Variants in BCAR3 observed in about 807,000 individuals in gnomAD.
BCAR3 encodes BCAR3 adaptor protein, NSP family member.
In BCAR3, 37 loss-of-function variants were observed where a neutral mutation model predicts 80.1. The observed-to-expected ratio is 0.46, with a 90% confidence interval of 0.36 to 0.61. BCAR3 has a LOEUF of 0.61. Ranked by LOEUF, BCAR3 falls within the 20% of genes least tolerant of loss-of-function variation. The probability of loss-of-function intolerance (pLI) is 0.00; values close to 1 mark genes in which losing one functional copy is unlikely to be tolerated. For synonymous variants in BCAR3, 389 were observed against 418.9 expected (o/e 0.93, Z 0.87); for missense variants, 978 against 1,068.2 (o/e 0.92, Z 1.18).
At chr1:93,589,632 C>A (rs541582189) in intron 4 of BCAR3, among the ~76,000 whole-genome samples, 1 of 152,232 alleles carries the variant, frequency 6.6e-6, no homozygotes, top group Non-Finnish European at 1.5e-5. Flanking sequence ...CCAAGCACCA[C>A]TGCAGGCTCA....
rs1056626619 is a variant in BCAR3 at position 93,812,287 on chromosome 1, C to T, written c.-63+33280G>A. On this transcript the variant is annotated intron_variant, in intron 2 of 13. Coordinates refer to the BCAR3 transcript ENST00000370244. The stretch of plus-strand genomic sequence containing the variant: ...TCCCCTTTCCCCAGGCCCTTCCGTC[C>T]CAGGAAGCCCACCGCTGGGACCTCC... 2.0e-5 allele frequency among the ~76,000 whole-genome samples: 3 copies of T among 152,070 alleles called. No homozygotes were observed. In the East Asian group the frequency reaches 5.8e-4, roughly 29 times the overall value.
At chr1:93,672,753 C>T (rs1571030832) in intron 2 of BCAR3, among the ~76,000 whole-genome samples, 1 of 152,340 alleles carries the variant, frequency 6.6e-6, no homozygotes, top group East Asian at 1.9e-4. Flanking sequence ...CCCCAGGATA[C>T]CCCAAGGAAT....
chr1:93,577,147 GTC>G (rs1367229770), intron 7 of BCAR3, among the ~76,000 whole-genome samples: 1 of 152,206 alleles, frequency 6.6e-6, no homozygotes, highest in East Asian at 1.9e-4. Context: ...GCAAGACACT[GTC>G]TCTAAAAACA....
chr1:93,598,828 T>C (rs10047194), intron 3 of BCAR3: 11,415 of 152,198 alleles, frequency 0.075, 577 homozygotes, highest in Middle Eastern at 0.11. Flanking sequence ...AGAATCAGGG[T>C]TGGACCGTGA....
intron 2 of BCAR3, among the ~76,000 whole-genome samples, chr1:93,749,370 T>C (rs773835732): frequency 3.3e-5 from 5 of 151,824 alleles, no homozygotes; most frequent in Non-Finnish European, 5.9e-5. Context: ...GGGCGGATCA[T>C]GAGGTCACGA....
chr1:93,614,062 G>C, intron 3 of BCAR3: 2 of 1,441,200 alleles, frequency 1.4e-6, no homozygotes, highest in East Asian at 2.5e-5. Flanking sequence ...GTCGGCAGCC[G>C]GGGGAGTGAG....
At chr1:93,797,288 A>C (rs1015193266) in intron 2 of BCAR3, among the ~76,000 whole-genome samples, 3 of 152,200 alleles carry the variant, frequency 2.0e-5, no homozygotes, top group Non-Finnish European at 4.4e-5. Context: ...TTTCCTTCTG[A>C]AAGAGTATGC....
chr1:93,790,629 T>A (rs867056854), intron 2 of BCAR3, among the ~76,000 whole-genome samples: 12,808 of 132,108 alleles, frequency 0.097, 1,239 homozygotes, highest in African/African-American at 0.23. Context: ...TTTTTTTTTG[T>A]ATTCATTTTT....
intron 3 of BCAR3, among the ~76,000 whole-genome samples, chr1:93,595,259 A>C (rs1177604539): frequency 6.6e-6 from 1 of 152,226 alleles, no homozygotes; most frequent in Non-Finnish European, 1.5e-5. Flanking sequence ...TATTTTATGA[A>C]AAGTTTGAAG....
chr1:93,573,619 T>G (rs1347619308), intron 8 of BCAR3, among the ~76,000 whole-genome samples: 11,783 of 127,056 alleles, frequency 0.093, 991 homozygotes, highest in Non-Finnish European at 0.12. Context: ...TTTATTATTA[T>G]TATTATTATT....
intron 2 of BCAR3, among the ~76,000 whole-genome samples, chr1:93,719,331 C>CTTTTTT (rs1650301308): frequency 5.4e-5 from 4 of 73,420 alleles, no homozygotes; most frequent in Admixed American, 1.5e-4. Context: ...TTTAAACTTT[C>CTTTTTT]TTGTTTTTTT....
chr1:93,703,797 T>C (rs1649735044), intron 3 of BCAR3, among the ~76,000 whole-genome samples: 1 of 152,186 alleles, frequency 6.6e-6, no homozygotes, highest in Non-Finnish European at 1.5e-5. Context: ...GCCACTTCTG[T>C]TGACCTTACT....
chr1:93,808,888 G>C (rs1653738093), intron 2 of BCAR3, among the ~76,000 whole-genome samples: 1 of 152,176 alleles, frequency 6.6e-6, no homozygotes, highest in Non-Finnish European at 1.5e-5. Context: ...TTTATCTGCT[G>C]TGAACTATAT....
At chr1:93,566,287 G>A (rs1342396873) in intron 11 of BCAR3, among the ~76,000 whole-genome samples, 2 of 152,060 alleles carry the variant, frequency 1.3e-5, no homozygotes, top group Non-Finnish European at 2.9e-5. Flanking sequence ...GCTGGTAACT[G>A]CTTTTGTCCT....
rs1648397632 is a variant in BCAR3, at chr1:93,674,846, T to G, written c.85A>C (p.Ser29Arg). Reference sequence around the variant, plus strand: ...TGCTCAGCGAGAGGGGACCTGCTGCTCAGAAGGTCCATGGATGAGGCCAGG... The same window carrying G: ...TGCTCAGCGAGAGGGGACCTGCTGCGCAGAAGGTCCATGGATGAGGCCAGG... ...FPLASSMDLL[S>R]SRSPLAEHRP... is the part of the protein sequence containing the mutation. Residue 29 changes from serine (S) to arginine (R), a missense_variant, in exon 2 of 12, where the codon AGC (serine) becomes CGC (arginine). Physicochemically the swap from Ser to Arg is moderately radical, Grantham distance 110. Coordinates refer to ENST00000260502, the MANE Select transcript of BCAR3 (RefSeq NM_003567.4). The G allele has an allele frequency of 5.0e-6, 8 of 1,603,340 alleles. No homozygotes were observed. The highest frequency in any genetic ancestry group is 5.1e-6 in the Non-Finnish European group (6 of 1,175,952).
intron 3 of BCAR3, chr1:93,613,991 C>T (rs960653247): frequency 5.2e-5 from 81 of 1,545,564 alleles, no homozygotes; most frequent in Admixed American, 2.4e-4. Flanking sequence ...AAGGGGGCTT[C>T]GGACGTTAAA....
chr1:93,818,220 CA>C (rs2100814700), intron 2 of BCAR3, among the ~76,000 whole-genome samples: 1 of 152,338 alleles, frequency 6.6e-6, no homozygotes, highest in South Asian at 2.1e-4. Context: ...TTTACACACA[CA>C]AGGAGTTCAG....
At position 93,589,399 on chromosome 1, in the gene BCAR3, C is replaced by A; in HGVS notation, c.507G>T (p.Gln169His). ...CACGAACTAGGAAGTCACCATCTCGCTGCACAAGGTTTTCAGACACCTTTG... is the reference window on the plus strand; with the variant it reads ...CACGAACTAGGAAGTCACCATCTCGATGCACAAGGTTTTCAGACACCTTTG... ...IPRQVSENLVQRDGDFLVRDS... is the reference protein window; with the variant it reads ...IPRQVSENLVHRDGDFLVRDS... Residue 169 changes from glutamine (Q) to histidine (H), a missense_variant, in exon 5 of 12, where the codon CAG (glutamine) becomes CAT (histidine). Physicochemically the swap from Gln to His is conservative, Grantham distance 24 (BLOSUM62 0). Coordinates refer to ENST00000260502, the MANE Select transcript of BCAR3 (RefSeq NM_003567.4). The A allele has an allele frequency of 1.2e-6, 2 of 1,612,052 alleles. No homozygotes were observed.
chr1:93,562,318 A>C lies in BCAR3; in HGVS notation c.2401T>G (p.Tyr801Asp), dbSNP rs753081234. Residue 801 changes from tyrosine (Y) to aspartate (D), a missense_variant, in exon 12 of 12, where the codon TAT becomes GAT. Tyr to Asp is a radical substitution (Grantham distance 160). Coordinates refer to ENST00000260502, the MANE Select transcript of BCAR3 (RefSeq NM_003567.4). ...KGAQVNQTER[Y>D]EKFNQILTAL... ...GTTAAAATCTGGTTGAATTTCTCAT[A>C]TCTCTCTGTCTGATTGACTTGTGCA... The C allele has an allele frequency of 1.9e-6, 3 of 1,614,046 alleles. No individual in the cohort carries two copies. The highest frequency in any genetic ancestry group is 2.2e-5 in the East Asian group (1 of 44,898).
Sources: allele counts gnomAD v4.1 joint callset (sites outside exome capture counted in the v4.1 genomes callset), GRCh38; gene constraint gnomAD v4.1.1; transcripts MANE v1.5; gene names NCBI Gene and HGNC (gene_info 2026-07-23, HGNC 2026-07-21).